Variants in FAM228B observed in about 807,000 individuals in gnomAD.
FAM228B encodes family with sequence similarity 228 member B, also known as protein FAM228B.
In FAM228B, 38 loss-of-function variants were observed where a neutral mutation model predicts 42.6. The ratio of observed to expected loss-of-function variants is 0.89; its 90% confidence interval spans 0.69 to 1.17. The LOEUF is 1.17. Ranked by LOEUF, FAM228B falls within the 50% of genes most tolerant of loss-of-function variation. The pLI is 0.00. For synonymous variants in FAM228B, 109 were observed against 122.3 expected, an observed-to-expected ratio of 0.89 and a Z score of 0.72; for missense variants, 344 against 367.3, an observed-to-expected ratio of 0.94 and a Z score of 0.52.
intron 3 of FAM228B, among the ~76,000 whole-genome samples, chr2:24,112,390 T>C (rs1006899737): frequency 1.4e-5 from 2 of 147,222 alleles, no homozygotes; most frequent in Non-Finnish European, 3.0e-5. Context: ...AACCTCCGCC[T>C]CCTGGGTTCA....
At chr2:24,167,502 GTTC>G (rs1377000722) in intron 9 of FAM228B, 122 bp from the exon 10 acceptor site, 1 of 1,295,590 alleles carries the variant, frequency 7.7e-7, no homozygotes, top group African/African-American at 1.5e-5. Context: ...GTTGGGGTTG[GTTC>G]TTCTCCTGCC....
chr2:24,133,181 G>GT (rs561891655), intron 2 of FAM228B, among the ~76,000 whole-genome samples: 25 of 150,820 alleles, frequency 1.7e-4, no homozygotes, highest in African/African-American at 4.1e-4. Flanking sequence ...ATCTAGTGCT[G>GT]TTTTTTTTTC....
chr2:24,125,661 A>G (rs1057433144), intron 2 of FAM228B, among the ~76,000 whole-genome samples: 1 of 152,048 alleles, frequency 6.6e-6, no homozygotes, highest in Non-Finnish European at 1.5e-5. Context: ...CCCGGGTTCA[A>G]GTGATCCTCC....
Position 24,117,740 on chromosome 2 carries a change from GC to G in FAM228B, c.-120-17377del, listed in dbSNP as rs538344030. Among the ~76,000 whole-genome samples, 366 of 152,248 alleles carry G rather than the reference GC, an allele frequency of 2.4e-3. 2 individuals are homozygous for G. Among genetic ancestry groups the G allele is most frequent in the African/African-American group, 8.5e-3 (352 of 41,526 alleles). On this transcript the variant is annotated intron_variant, in intron 3 of 10. Coordinates refer to the FAM228B transcript ENST00000613899. ...TTACAGGTGTGAGCCACCCCATCTG[GC>G]CTGTAATTCTTTACTTCCCAAATTT... is the stretch of plus-strand genomic sequence containing the variant.
intron 2 of FAM228B, among the ~76,000 whole-genome samples, chr2:24,130,620 A>G (rs1341056607): frequency 6.6e-6 from 1 of 152,040 alleles, no homozygotes; most frequent in Admixed American, 6.6e-5. Flanking sequence ...TTTGAGAAGC[A>G]TCTGTTCATA....
intron 2 of FAM228B, among the ~76,000 whole-genome samples, chr2:24,126,124 T>G (rs113268380): frequency 6.6e-6 from 1 of 152,240 alleles, no homozygotes; most frequent in East Asian, 1.9e-4. Context: ...AAAGCTGTTA[T>G]GAACATTCAT....
At chr2:24,131,643 G>A (rs1261638768) in intron 2 of FAM228B, among the ~76,000 whole-genome samples, 1 of 152,160 alleles carries the variant, frequency 6.6e-6, no homozygotes, top group African/African-American at 2.4e-5. Flanking sequence ...TGTTGTTGAT[G>A]TATAGGGAAT....
intron 2 of FAM228B, among the ~76,000 whole-genome samples, chr2:24,093,974 G>T (rs998612868): frequency 6.6e-6 from 1 of 151,324 alleles, no homozygotes; most frequent in Admixed American, 6.6e-5. Flanking sequence ...CCAGTAATGG[G>T]ATTGCTGGGT....
At chr2:24,117,485 C>A (rs976129018) in intron 3 of FAM228B, among the ~76,000 whole-genome samples, 1 of 151,818 alleles carries the variant, frequency 6.6e-6, no homozygotes, top group African/African-American at 2.4e-5. Context: ...CTGTGACGCC[C>A]AGGCTGGAGT....
At chr2:24,143,515 G>T (rs1009389573) in intron 5 of FAM228B, among the ~76,000 whole-genome samples, 11 of 152,060 alleles carry the variant, frequency 7.2e-5, no homozygotes, top group African/African-American at 1.2e-4. Flanking sequence ...TTTCAATTAC[G>T]TATCTCTATA....
chr2:24,152,278 GA>G (rs1667042880), intron 7 of FAM228B, among the ~76,000 whole-genome samples: 1 of 152,338 alleles, frequency 6.6e-6, no homozygotes. Context: ...TAGCTATTTT[GA>G]ATTCTCTGTT....
upstream of FAM228B, chr2:24,121,295 C>A (rs1048780716): frequency 6.2e-7 from 1 of 1,613,944 alleles, no homozygotes; most frequent in African/African-American, 1.3e-5. Context: ...CATCACTGGG[C>A]GTTACCTGGA....
chr2:24,136,126 A>G (rs1666581559), intron 3 of FAM228B, among the ~76,000 whole-genome samples: 1 of 142,970 alleles, frequency 7.0e-6, no homozygotes, highest in Non-Finnish European at 1.5e-5. Flanking sequence ...CAGTGGCACA[A>G]TTACAGCTCT....
chr2:24,158,172 T>C (rs1667197667), intron 7 of FAM228B, among the ~76,000 whole-genome samples: 2 of 145,756 alleles, frequency 1.4e-5, no homozygotes, highest in African/African-American at 5.1e-5. Flanking sequence ...TCTTCACATA[T>C]GCTGGGCTTT....
chr2:24,123,822 T>G (rs1264758538), intron 1 of FAM228B, among the ~76,000 whole-genome samples: 2 of 152,002 alleles, frequency 1.3e-5, no homozygotes, highest in Non-Finnish European at 2.9e-5. Context: ...GTGGGCGCGA[T>G]GAGCGAGAGC....
At chr2:24,106,913 A>G (rs1266197402) in intron 3 of FAM228B, among the ~76,000 whole-genome samples, 1 of 152,112 alleles carries the variant, frequency 6.6e-6, no homozygotes, top group Non-Finnish European at 1.5e-5. Flanking sequence ...GACAGGATCA[A>G]ATCTGCACAT....
rs778653790 is a variant in FAM228B, at chr2:24,080,906, GCTT to G, written c.-253_-251del. 1.9e-6 allele frequency: 3 copies of G among 1,614,198 alleles called. No individual in the cohort carries two copies. Among genetic ancestry groups the G allele is most frequent in the Admixed American group, 1.7e-5 (1 of 60,018 alleles). On this transcript the variant is annotated 5_prime_UTR_variant, in exon 2 of 11. Transcript: ENST00000613899. This position sits in a 1 kb window ranked among gnomAD's most constrained non-coding sequence, Gnocchi z 4.7. Reference sequence around the variant, plus strand: ...GCTCCAAGCTTTTCTGCCATTTGAAGCTTCTTCTGGGAGCCAGCTGTGACCAGA... The same window carrying G: ...GCTCCAAGCTTTTCTGCCATTTGAAGCTTCTGGGAGCCAGCTGTGACCAGA...
chr2:24,143,190 T>C (rs2151021765), intron 5 of FAM228B, among the ~76,000 whole-genome samples: 1 of 152,242 alleles, frequency 6.6e-6, no homozygotes, highest in Middle Eastern at 3.4e-3. Flanking sequence ...TTGGTTTGTT[T>C]TTGTTTTTGA....
chr2:24,155,560 G>T (rs1667122877), intron 7 of FAM228B, among the ~76,000 whole-genome samples: 3 of 46,592 alleles, frequency 6.4e-5, no homozygotes, highest in African/African-American at 1.9e-4. Flanking sequence ...TTTTTTTTGA[G>T]ATGGATTTTC....
Sources: allele counts gnomAD v4.1 joint callset (sites outside exome capture counted in the v4.1 genomes callset), GRCh38; gene constraint gnomAD v4.1.1; non-coding constraint Gnocchi (gnomAD v3.1); transcripts MANE v1.5; gene names NCBI Gene and HGNC (gene_info 2026-07-23, HGNC 2026-07-21).